SRRT: variants seen among roughly 807,000 people sequenced by gnomAD.
SRRT encodes the protein serrate RNA effector molecule homolog.
SRRT carries 32 observed loss-of-function variants against 103.2 expected under a neutral mutation model. The observed-to-expected ratio is 0.31, with a 90% CI of 0.23 to 0.42. SRRT has a LOEUF of 0.42. Among genes scored for constraint, SRRT ranks in the 10% least tolerant of loss-of-function variants. SRRT has a pLI of 1.00. For synonymous variants in SRRT, 525 were observed against 449.0 expected, an observed-to-expected ratio of 1.17 and a Z score of -2.14; for missense variants, 986 against 1,207.5, an observed-to-expected ratio of 0.82 and a Z score of 2.72.
chr7:100,884,397 A>G lies in SRRT; in HGVS notation c.787A>G (p.Asn263Asp). Residue 263 changes from asparagine (N) to aspartate (D), a missense_variant, in exon 7 of 20, where the codon AAT (asparagine) becomes GAT (aspartate). Physicochemically the swap from Asn to Asp is conservative, Grantham distance 23. Transcript: ENST00000611405. ...AVIKMEGGTENDLRILEQEEE... is the reference protein window; with the variant it reads ...AVIKMEGGTEDDLRILEQEEE... ...GATTAAGATGGAAGGAGGCACGGAG[A>G]ATGATCTTCGCATCCTGGAGCAGGA... 6.2e-7 allele frequency: 1 copy of G among 1,613,468 alleles called. No homozygotes were observed. The highest frequency in any genetic ancestry group is 8.5e-7 in the Non-Finnish European group (1 of 1,179,814).
chr7:100,875,249 C>T lies in SRRT; in HGVS notation c.-98C>T. The T allele has an allele frequency of 2.3e-6, 1 of 436,354 alleles. No homozygotes were observed. The highest frequency in any genetic ancestry group is 3.5e-6 in the Non-Finnish European group (1 of 285,774). The allele number at this position is 436,354 out of a possible 1,614,324, so 27.0% of individuals were successfully genotyped here. On this transcript the variant is annotated 5_prime_UTR_variant, in exon 1 of 20. Coordinates refer to ENST00000611405, the MANE Select transcript of SRRT (RefSeq NM_015908.6). ...TCTCCGTCTCGCCCTCCTCGAAGTCCTCGTCGCGCGCCCGCGACCCAGGTC... is the reference window on the plus strand; with the variant it reads ...TCTCCGTCTCGCCCTCCTCGAAGTCTTCGTCGCGCGCCCGCGACCCAGGTC...
chr7:100,885,503 C>A lies in SRRT; in HGVS notation c.1317+133C>A. On this transcript the variant is annotated intron_variant, in intron 10 of 19. Transcript: ENST00000611405. The surrounding 1 kb of genome is among the most constrained non-coding windows in gnomAD (Gnocchi z 4.8). The stretch of plus-strand genomic sequence containing the variant: ...GAGGCCCCTTCCCCAGGTTCCATGG[C>A]CTCCGAGGACTAGTCCTGATAGCGC... The A allele has an allele frequency of 8.9e-7, 1 of 1,129,634 alleles. No homozygotes were observed. The highest frequency in any genetic ancestry group is 1.3e-6 in the Non-Finnish European group (1 of 798,110). The allele number at this position is 1,129,634 out of a possible 1,614,324, so 70.0% of individuals were successfully genotyped here. A position where few individuals can be genotyped will look rare whatever the true frequency, so the allele number is the denominator to read the frequency against.
Position 100,884,396 on chromosome 7 carries a change from GA to G in SRRT, c.788del (p.Asn263MetfsTer33), listed in dbSNP as rs1479955301. Reference sequence around the variant, plus strand: ...TGATTAAGATGGAAGGAGGCACGGAGAATGATCTTCGCATCCTGGAGCAGGA... The same window carrying G: ...TGATTAAGATGGAAGGAGGCACGGAGATGATCTTCGCATCCTGGAGCAGGA... Reference protein sequence around the residue: ...AVIKMEGGTENDLRILEQEEE... With the variant: ...AVIKMEGGTEXDLRILEQEEE... On this transcript the variant is annotated frameshift_variant, in exon 7 of 20. Coordinates refer to ENST00000611405, the MANE Select transcript of SRRT (RefSeq NM_015908.6). LOFTEE classifies it high-confidence loss of function. The G allele has an allele frequency of 6.2e-7, 1 of 1,613,788 alleles. No homozygotes were observed. Among genetic ancestry groups the G allele is most frequent in the Non-Finnish European group, 8.5e-7 (1 of 1,179,902 alleles).
At chr7:100,881,576 G>A (rs759900952) in intron 3 of SRRT, 83 bp from the exon 4 acceptor site, 81 of 1,591,914 alleles carry the variant, frequency 5.1e-5, no homozygotes, top group African/African-American at 8.1e-5. Context: ...AGACCATGCT[G>A]TGTGTACCCC....
chr7:100,878,010 C>G (rs565377647), intron 2 of SRRT, among the ~76,000 whole-genome samples: 6 of 152,276 alleles, frequency 3.9e-5, no homozygotes, highest in East Asian at 3.9e-4. Flanking sequence ...GTAGAACTTT[C>G]CAGTGAAAAT....
chr7:100,886,756 G>T (rs900057583), intron 13 of SRRT, 39 bp from the exon 14 acceptor site: 12 of 1,610,104 alleles, frequency 7.5e-6, no homozygotes, highest in Non-Finnish European at 1.0e-5. Flanking sequence ...CTCCTCTGAA[G>T]GTCTTCTCTG....
chr7:100,880,760 C>T (rs762989664), intron 2 of SRRT: 8 of 405,520 alleles, frequency 2.0e-5, no homozygotes, highest in African/African-American at 8.4e-5. Context: ...GCTGCAGCCG[C>T]GACCTGCCCG....
chr7:100,887,263 ACCAT>A lies in SRRT; in HGVS notation c.1976-54_1976-51del. ...GGCCTTGGTCCTCCAGCCCCTTGCC[ACCAT>A]CCTTCCTTCTGGCTCCCTTGCCAAC... On this transcript the variant is annotated intron_variant, in intron 15 of 19. Coordinates refer to ENST00000611405, the MANE Select transcript of SRRT (RefSeq NM_015908.6). The surrounding 1 kb of genome is among the most constrained non-coding windows in gnomAD (Gnocchi z 4.1). The A allele has an allele frequency of 6.2e-7, 1 of 1,610,478 alleles. No individual in the cohort carries two copies. Among genetic ancestry groups the A allele is most frequent in the Non-Finnish European group, 8.5e-7 (1 of 1,177,340 alleles).
rs560845666 is a variant in SRRT at position 100,884,286 on chromosome 7, G to T, written c.757+47G>T. 2.7e-5 allele frequency: 44 copies of T among 1,613,304 alleles called. 1 individual carries two copies. In the South Asian group the frequency reaches 4.4e-4, roughly 16 times the overall value. Reference sequence around the variant, plus strand: ...GCAGGCATCTGGGCCCCATGGGGGTGGGGGTGTCTGGGGATCAGGTAGAAG... The same window carrying T: ...GCAGGCATCTGGGCCCCATGGGGGTTGGGGTGTCTGGGGATCAGGTAGAAG... On this transcript the variant is annotated intron_variant, in intron 6 of 19. Transcript: ENST00000611405.
chr7:100,881,875 C>G, intron 4 of SRRT, 70 bp downstream of exon 4: 1 of 1,529,364 alleles, frequency 6.5e-7, no homozygotes. Flanking sequence ...AAGGCCATGG[C>G]TGAAGCCAGG....
chr7:100,881,036 G>A (rs1034753873), intron 2 of SRRT, among the ~76,000 whole-genome samples: 3 of 151,560 alleles, frequency 2.0e-5, no homozygotes, highest in East Asian at 1.9e-4. Flanking sequence ...ATCTCAGGGT[G>A]TAAGAAGGGC....
Position 100,884,085 on chromosome 7 carries a change from C to T in SRRT, c.603C>T (p.Tyr201=). 6.3e-7 allele frequency: 1 copy of T among 1,593,210 alleles called. No homozygotes were observed. Among genetic ancestry groups the T allele is most frequent in the South Asian group, 1.1e-5 (1 of 88,288 alleles). ...TCGTTCCCAGGTTTCGGTCTAAGTA[C>T]CACCCAGATGAGGTGGGGAAGCGTC... ...HKDEEWFRSK[Y]HPDEVGKRRQ... Residue 201 remains tyrosine (Y), a synonymous_variant, in exon 6 of 20, where the codon TAC becomes TAT. Transcript: ENST00000611405.
At position 100,886,187 on chromosome 7, in the gene SRRT, T is replaced by C. The variant is rs1790081296; in HGVS notation, c.1459-60T>C. The C allele has an allele frequency of 2.1e-5, 33 of 1,561,282 alleles. No individual in the cohort carries two copies. In the South Asian group the frequency reaches 3.8e-4, roughly 18 times the overall value. Reference sequence around the variant, plus strand: ...GCTCAAGAGGGAAGGGTCTTAGAGCTGCTGTTTCTCTGGCAAGCGGGGTAA... The same window carrying C: ...GCTCAAGAGGGAAGGGTCTTAGAGCCGCTGTTTCTCTGGCAAGCGGGGTAA... On this transcript the variant is annotated intron_variant, in intron 12 of 19. Coordinates refer to ENST00000611405, the MANE Select transcript of SRRT (RefSeq NM_015908.6).
In SRRT at chr7:100,887,851, C is replaced by T; in HGVS notation, c.2318C>T (p.Pro773Leu). ...PEIKPAQPPG[P>L]AQILPPGLTP... ...ATCAAGCCAGCCCAGCCACCTGGCC[C>T]CGCCCAGAGTAAGATACGATCCATG... Residue 773 changes from proline to leucine, a missense_variant, in exon 17 of 20, where the codon CCC becomes CTC. Physicochemically the swap from Pro to Leu is moderately conservative, Grantham distance 98. Transcript: ENST00000611405. The surrounding 1 kb of genome is among the most constrained non-coding windows in gnomAD (Gnocchi z 4.1). 6.2e-7 allele frequency: 1 copy of T among 1,604,098 alleles called. No homozygotes were observed. Among genetic ancestry groups the T allele is most frequent in the Non-Finnish European group, 8.5e-7 (1 of 1,171,610 alleles).
At position 100,886,267 on chromosome 7, in the gene SRRT, C is replaced by T. The variant is rs140010363; in HGVS notation, c.1479C>T (p.Ser493=). 1.3e-4 allele frequency: 202 copies of T among 1,612,228 alleles called. 1 individual carries two copies. In the African/African-American group the frequency reaches 2.4e-3, roughly 19 times the overall value. ...TCCAGCTCCGGGAGTGTGAGCTGAG[C>T]CCTGGTGTGAACAGGGACCTGACCC... is the stretch of plus-strand genomic sequence containing the variant. ...QNIRLRECEL[S]PGVNRDLTRR... Residue 493 remains serine (S), a synonymous_variant, in exon 13 of 20, where the codon AGC becomes AGT. Transcript: ENST00000611405.
chr7:100,875,227 C>A lies in SRRT; in HGVS notation c.-120C>A. The A allele has an allele frequency of 3.3e-6, 1 of 302,878 alleles. No homozygotes were observed. Among genetic ancestry groups the A allele is most frequent in the Non-Finnish European group, 5.8e-6 (1 of 171,266 alleles). 18.8% of individuals were successfully genotyped at this position (302,878 alleles called of 1,614,324 possible). A position where few individuals can be genotyped will look rare whatever the true frequency, so the allele number is the denominator to read the frequency against. On this transcript the variant is annotated 5_prime_UTR_variant, in exon 1 of 20. Coordinates refer to ENST00000611405, the MANE Select transcript of SRRT (RefSeq NM_015908.6). ...GGCCCTCTACTCAAGAGCTCCGTCTCCGTCTCGCCCTCCTCGAAGTCCTCG... is the reference window on the plus strand; with the variant it reads ...GGCCCTCTACTCAAGAGCTCCGTCTACGTCTCGCCCTCCTCGAAGTCCTCG...
chr7:100,887,416 A>G lies in SRRT; in HGVS notation c.2072A>G (p.Lys691Arg). Residue 691 changes from lysine (K) to arginine (R), a missense_variant, in exon 16 of 20, where the codon AAA becomes AGA. Coordinates refer to ENST00000611405, the MANE Select transcript of SRRT (RefSeq NM_015908.6). This position sits in a 1 kb window ranked among gnomAD's most constrained non-coding sequence, Gnocchi z 4.1. Reference protein sequence around the residue: ...SEEEAQKMGRKDPEQEVEKFV... With the variant: ...SEEEAQKMGRRDPEQEVEKFV... ...GAAGAGGCCCAGAAGATGGGGCGCA[A>G]AGACCCAGAGCAGGAAGTGGAGAAG... 1 of 1,614,210 alleles carries G rather than the reference A, an allele frequency of 6.2e-7. No homozygotes were observed. The highest frequency in any genetic ancestry group is 8.5e-7 in the Non-Finnish European group (1 of 1,180,036).
At chr7:100,876,915 T>C (rs1156368065) in intron 2 of SRRT, among the ~76,000 whole-genome samples, 1 of 151,782 alleles carries the variant, frequency 6.6e-6, no homozygotes, top group Non-Finnish European at 1.5e-5. Flanking sequence ...CAGCTTGGAG[T>C]TGTGGACATA....
chr7:100,886,887 C>CG lies in SRRT; in HGVS notation c.1745dup (p.Ala583ArgfsTer4). On this transcript the variant is annotated frameshift_variant, in exon 14 of 20. Transcript: ENST00000611405. LOFTEE classifies it high-confidence loss of function. ...AGGAGGAGGAGCTGCTGGGGAGCAG[C>CG]GGGGGCGCTCCTCCTGAGGAGCCTC... 6.2e-7 allele frequency: 1 copy of CG among 1,614,090 alleles called. No individual in the cohort carries two copies. Among genetic ancestry groups the CG allele is most frequent in the Non-Finnish European group, 8.5e-7 (1 of 1,180,004 alleles).
Sources: gnomAD v4.1 joint callset for allele counts (sites outside exome capture counted in the v4.1 genomes callset) on GRCh38, gnomAD v4.1.1 for gene constraint, Gnocchi (gnomAD v3.1) non-coding constraint, MANE v1.5 for transcripts, NCBI Gene and HGNC (gene_info 2026-07-23, HGNC 2026-07-21) for gene names.